Variants in ELOC observed in about 807,000 individuals in gnomAD.
The protein encoded by ELOC is elongin C.
For synonymous variants in ELOC, 40 were observed against 51.3 expected (o/e 0.78, Z 0.94); for missense variants, 38 against 139.0 (o/e 0.27, Z 3.65).
chr8:73,948,739 G>C (rs1813548154), intron 3 of ELOC, among the ~76,000 whole-genome samples: 1 of 152,224 alleles, frequency 6.6e-6, no homozygotes, highest in Non-Finnish European at 1.5e-5. Context: ...GGAGGCTCAG[G>C]TGGGAGGACT....
chr8:73,965,851 C>A (rs897599275), intron 1 of ELOC, among the ~76,000 whole-genome samples: 2 of 152,078 alleles, frequency 1.3e-5, no homozygotes, highest in African/African-American at 4.8e-5. Context: ...CAAATGCTAA[C>A]AGAGGAGGAA....
At chr8:73,948,405 T>C (rs186966592) in intron 3 of ELOC, among the ~76,000 whole-genome samples, 2 of 152,220 alleles carry the variant, frequency 1.3e-5, no homozygotes, top group African/African-American at 2.4e-5. Context: ...TTGTACTGAA[T>C]TGCCATGTAA....
chr8:73,946,403 G>A lies in ELOC; in HGVS notation c.*227C>T, dbSNP rs1813385917. On this transcript the variant is annotated 3_prime_UTR_variant, in exon 4 of 4. Coordinates refer to ENST00000520242, the MANE Select transcript of ELOC (RefSeq NM_005648.4). ...GATAAGGCAAAACCACCTACGAATT[G>A]GCATATTTGTTTATTTCTCAGTTTG... The A allele has an allele frequency of 2.4e-6, 1 of 417,124 alleles. No homozygotes were observed. The highest frequency in any genetic ancestry group is 4.3e-6 in the Non-Finnish European group (1 of 235,024). 25.8% of individuals were successfully genotyped at this position (417,124 alleles called of 1,614,324 possible). A position where few individuals can be genotyped will look rare whatever the true frequency, so the allele number is the denominator to read the frequency against.
intron 1 of ELOC, among the ~76,000 whole-genome samples, chr8:73,960,040 A>C (rs905145886): frequency 3.9e-5 from 6 of 152,236 alleles, no homozygotes; most frequent in Admixed American, 3.9e-4. Flanking sequence ...GAATCAGAGA[A>C]AGATTACTTA....
chr8:73,957,145 C>G (rs1814245467), intron 2 of ELOC, among the ~76,000 whole-genome samples: 1 of 150,598 alleles, frequency 6.6e-6, no homozygotes, highest in Non-Finnish European at 1.5e-5. Flanking sequence ...TGCACTCCAG[C>G]CTGGGAAACA....
intron 3 of ELOC, among the ~76,000 whole-genome samples, chr8:73,949,448 G>A (rs1408541984): frequency 6.6e-6 from 1 of 152,132 alleles, no homozygotes; most frequent in Admixed American, 6.5e-5. Context: ...ACAATTCAGT[G>A]GCATTTAGTA....
At chr8:73,966,068 T>C (rs1452971712) in intron 1 of ELOC, among the ~76,000 whole-genome samples, 2 of 152,178 alleles carry the variant, frequency 1.3e-5, no homozygotes, top group Non-Finnish European at 2.9e-5. Context: ...GCACACAATG[T>C]AACTCAGTGT....
At chr8:73,963,154 GT>G (rs1335498213) in intron 1 of ELOC, among the ~76,000 whole-genome samples, 2 of 152,070 alleles carry the variant, frequency 1.3e-5, no homozygotes, top group African/African-American at 4.8e-5. Context: ...ATCTCTTAAA[GT>G]TTTTTTGTGT....
intron 1 of ELOC, among the ~76,000 whole-genome samples, chr8:73,971,046 A>G (rs866766575): frequency 9.3e-5 from 14 of 149,768 alleles, no homozygotes; most frequent in African/African-American, 2.0e-4. Flanking sequence ...AAAAAAAAAA[A>G]AAAAAGAAAA....
intron 3 of ELOC, among the ~76,000 whole-genome samples, chr8:73,950,772 G>A (rs977358340): frequency 1.3e-5 from 2 of 152,198 alleles, no homozygotes; most frequent in Non-Finnish European, 2.9e-5. Context: ...TTAACTATGA[G>A]TTTACAGAAT....
At chr8:73,963,107 C>A (rs10504551) in intron 1 of ELOC, among the ~76,000 whole-genome samples, 1 of 151,870 alleles carries the variant, frequency 6.6e-6, no homozygotes, top group Non-Finnish European at 1.5e-5. Flanking sequence ...TGGCCTGAGA[C>A]GTCATTATGC....
chr8:73,956,064 A>G lies in ELOC; in HGVS notation c.5-10T>C. The stretch of plus-strand genomic sequence containing the variant: ...GTTTTCTCCTCTCCATCTAAAGTAA[A>G]GTAAGTAGTGAAACAATTTTTGAGT... On this transcript the variant is annotated splice_polypyrimidine_tract_variant and intron_variant, in intron 2 of 3. Coordinates refer to ENST00000520242, the MANE Select transcript of ELOC (RefSeq NM_005648.4). 6.2e-7 allele frequency: 1 copy of G among 1,607,836 alleles called. No individual in the cohort carries two copies. The highest frequency in any genetic ancestry group is 2.2e-5 in the East Asian group (1 of 44,732).
At chr8:73,950,485 A>G (rs1188730043) in intron 3 of ELOC, among the ~76,000 whole-genome samples, 2 of 152,214 alleles carry the variant, frequency 1.3e-5, no homozygotes, top group Admixed American at 6.5e-5. Flanking sequence ...TAACCAAATA[A>G]TATCTTATAG....
chr8:73,970,992 T>G (rs1373558756), intron 1 of ELOC, among the ~76,000 whole-genome samples: 3 of 117,864 alleles, frequency 2.5e-5, no homozygotes, highest in African/African-American at 6.7e-5. Context: ...CGAGATCAAG[T>G]CACTGCACTC....
intron 1 of ELOC, among the ~76,000 whole-genome samples, 163 bp from the exon 2 acceptor site, chr8:73,959,981 A>G (rs1308701796): frequency 6.6e-6 from 1 of 152,238 alleles, no homozygotes; most frequent in African/African-American, 2.4e-5. Flanking sequence ...TTATAAAATC[A>G]ATTGAAGAAT....
rs201311389 is a variant in ELOC at position 73,952,556 on chromosome 8, G to A, written c.148+3355C>T. 2.8e-4 allele frequency among the ~76,000 whole-genome samples: 42 copies of A among 150,334 alleles called. No homozygotes were observed. The East Asian group carries it at 4.5e-3, about 16-fold the overall frequency. On this transcript the variant is annotated intron_variant, in intron 3 of 3. Transcript: ENST00000520242. ...AGCACTTTGGGAGGCTGAGATGGGC[G>A]GATCATGAGGTCAGGAGATCAAGAC...
chr8:73,965,807 C>T (rs1471659305), intron 1 of ELOC, among the ~76,000 whole-genome samples: 2 of 152,146 alleles, frequency 1.3e-5, no homozygotes, highest in Non-Finnish European at 2.9e-5. Flanking sequence ...AAAGTGACAT[C>T]GGTAATAAAA....
At chr8:73,961,626 G>A (rs1444137673) in intron 1 of ELOC, among the ~76,000 whole-genome samples, 1 of 151,758 alleles carries the variant, frequency 6.6e-6, no homozygotes, top group Admixed American at 6.6e-5. Context: ...TGATTTGCCC[G>A]CCTCAGCCTC....
chr8:73,966,495 T>G (rs1286410720), intron 1 of ELOC, among the ~76,000 whole-genome samples: 1 of 151,926 alleles, frequency 6.6e-6, no homozygotes, highest in Non-Finnish European at 1.5e-5. Flanking sequence ...GGTCTTTTTT[T>G]TTTTTTTTGA....
Sources: allele counts gnomAD v4.1 joint callset (sites outside exome capture counted in the v4.1 genomes callset), GRCh38; gene constraint gnomAD v4.1.1; transcripts MANE v1.5; gene names NCBI Gene and HGNC (gene_info 2026-07-23, HGNC 2026-07-21).